The following SYN3 variants were observed in gnomAD, a reference collection of about 807,000 sequenced individuals.
SYN3 encodes the protein synapsin III.
Under a neutral mutation model 65.8 loss-of-function variants are expected in SYN3, and 35 were observed. That is an observed-to-expected ratio of 0.53 (90% CI 0.41 to 0.70). SYN3 has a LOEUF of 0.70. Ranked by LOEUF, SYN3 falls within the 30% of genes least tolerant of loss-of-function variation. The probability of loss-of-function intolerance (pLI) is 0.00; values close to 1 mark genes in which losing one functional copy is unlikely to be tolerated. For synonymous variants in SYN3, 270 were observed against 292.9 expected (o/e 0.92, Z 0.80); for missense variants, 680 against 749.0 (o/e 0.91, Z 1.08).
intron 2 of SYN3, among the ~76,000 whole-genome samples, chr22:32,996,351 A>T (rs1249015133): frequency 6.6e-6 from 1 of 152,126 alleles, no homozygotes; most frequent in East Asian, 1.9e-4. Flanking sequence ...CCCACACTGA[A>T]AAACAGCTGT....
chr22:32,715,842 A>G (rs1240359687), intron 6 of SYN3, among the ~76,000 whole-genome samples: 1 of 152,050 alleles, frequency 6.6e-6, no homozygotes, highest in African/African-American at 2.4e-5. Flanking sequence ...GTGTGCAAGG[A>G]AAGAAGTACA....
chr22:32,928,429 T>C (rs1295650966), intron 4 of SYN3, among the ~76,000 whole-genome samples: 1 of 152,242 alleles, frequency 6.6e-6, no homozygotes, highest in Non-Finnish European at 1.5e-5. Flanking sequence ...GCACTTACAT[T>C]AGCCTACAGT....
intron 6 of SYN3, among the ~76,000 whole-genome samples, chr22:32,693,161 C>G (rs960967757): frequency 9.2e-5 from 14 of 152,108 alleles, no homozygotes; most frequent in Admixed American, 3.9e-4. Flanking sequence ...AAGAGATTAA[C>G]AGCAAGAACT....
intron 3 of SYN3, among the ~76,000 whole-genome samples, chr22:32,953,625 G>A (rs186482582): frequency 1.5e-3 from 231 of 152,206 alleles, no homozygotes; most frequent in Non-Finnish European, 2.7e-3. Context: ...AAGAAAATTG[G>A]CGTGCCTGGA....
At chr22:32,967,779 C>T (rs1002632145) in intron 3 of SYN3, among the ~76,000 whole-genome samples, 8 of 152,354 alleles carry the variant, frequency 5.3e-5, no homozygotes, top group African/African-American at 9.6e-5. Flanking sequence ...TAAGCACATC[C>T]GGGCAGAGGC....
intron 6 of SYN3, among the ~76,000 whole-genome samples, chr22:32,719,420 T>C (rs566456208): frequency 2.2e-4 from 34 of 152,358 alleles, no homozygotes; most frequent in African/African-American, 7.9e-4. Flanking sequence ...GTCCATTTGT[T>C]CATTTTCCCC....
At chr22:32,783,523 G>T (rs115340508) in intron 6 of SYN3, among the ~76,000 whole-genome samples, 127 of 152,290 alleles carry the variant, frequency 8.3e-4, no homozygotes, top group African/African-American at 2.9e-3. Flanking sequence ...CCAGCCTTGA[G>T]ATTGCTAGTT....
intron 4 of SYN3, among the ~76,000 whole-genome samples, chr22:32,921,284 AC>A (rs2050328659): frequency 6.6e-6 from 1 of 152,214 alleles, no homozygotes; most frequent in Non-Finnish European, 1.5e-5. Flanking sequence ...TGTCATCCTT[AC>A]AAAAACTATG....
intron 2 of SYN3, among the ~76,000 whole-genome samples, chr22:33,004,082 T>C (rs1455953946): frequency 3.3e-5 from 5 of 152,200 alleles, no homozygotes; most frequent in Admixed American, 6.5e-5. Context: ...CTGCCTAGAT[T>C]TCAGAGGATG....
intron 1 of SYN3, among the ~76,000 whole-genome samples, chr22:33,024,197 C>A (rs936868574): frequency 6.6e-6 from 1 of 152,230 alleles, no homozygotes; most frequent in Admixed American, 6.5e-5. Context: ...CACCCACCAG[C>A]ACCCTCCAGA....
chr22:32,998,926 C>G (rs1315530644), intron 2 of SYN3, among the ~76,000 whole-genome samples: 1 of 152,062 alleles, frequency 6.6e-6, no homozygotes, highest in African/African-American at 2.4e-5. Context: ...ACTCCTCCAC[C>G]GTGTGTTCTG....
Position 32,513,799 on chromosome 22 carries a change from G to A in SYN3, c.1636C>T (p.Leu546Phe). 6.2e-7 allele frequency: 1 copy of A among 1,614,208 alleles called. No individual in the cohort carries two copies. Among genetic ancestry groups the A allele is most frequent in the Non-Finnish European group, 8.5e-7 (1 of 1,180,060 alleles). ...LNKSQSLTNS[L>F]STSDTSQRGT... ...CGCTGGGAGGTGTCGGATGTGCTGA[G>A]GCTGTTAGTCAGGGACTGAGATTTG... The change falls in exon 14 of 14, where the codon CTC becomes TTC. Residue 546 changes from leucine (L) to phenylalanine (F), a missense_variant. Physicochemically the swap from Leu to Phe is conservative, Grantham distance 22. Coordinates refer to ENST00000358763, the MANE Select transcript of SYN3 (RefSeq NM_003490.4).
intron 4 of SYN3, among the ~76,000 whole-genome samples, chr22:32,909,496 C>T (rs13054818): frequency 4.6e-5 from 7 of 152,124 alleles, no homozygotes; most frequent in Admixed American, 2.0e-4. Context: ...GAGCTGTCTG[C>T]GGAAAGACCC....
intron 6 of SYN3, among the ~76,000 whole-genome samples, chr22:32,717,475 A>T (rs912450062): frequency 6.6e-6 from 1 of 152,088 alleles, no homozygotes; most frequent in Non-Finnish European, 1.5e-5. Flanking sequence ...GCTGGAATGG[A>T]TGCTGCTTCT....
intron 1 of SYN3, among the ~76,000 whole-genome samples, chr22:33,044,528 C>T (rs1334159694): frequency 6.6e-6 from 1 of 152,042 alleles, no homozygotes; most frequent in African/African-American, 2.4e-5. Context: ...ATCCTCATCA[C>T]CTCACCCAAC....
At chr22:32,894,922 T>C (rs2049549709) in intron 4 of SYN3, among the ~76,000 whole-genome samples, 2 of 152,186 alleles carry the variant, frequency 1.3e-5, no homozygotes, top group Non-Finnish European at 2.9e-5. Context: ...TTCAGGTTTC[T>C]AGAAATGTAA....
At chr22:32,536,169 C>G (rs922216257) in intron 9 of SYN3, among the ~76,000 whole-genome samples, 2 of 152,182 alleles carry the variant, frequency 1.3e-5, no homozygotes, top group African/African-American at 4.8e-5. Flanking sequence ...CCGGAAGGGC[C>G]ATAGAGAAGA....
intron 6 of SYN3, among the ~76,000 whole-genome samples, chr22:32,778,851 A>G (rs2045968454): frequency 6.6e-6 from 1 of 152,238 alleles, no homozygotes; most frequent in Non-Finnish European, 1.5e-5. Flanking sequence ...TATCAATAAT[A>G]AAAACTGATT....
chr22:32,951,683 T>C (rs1334626676), intron 3 of SYN3, among the ~76,000 whole-genome samples: 1 of 152,170 alleles, frequency 6.6e-6, no homozygotes, highest in African/African-American at 2.4e-5. Flanking sequence ...CTGGGACCCA[T>C]ACCCAGGCCA....
Sources: gnomAD v4.1 joint callset for allele counts (sites outside exome capture counted in the v4.1 genomes callset) on GRCh38, gnomAD v4.1.1 for gene constraint, MANE v1.5 for transcripts, NCBI Gene and HGNC (gene_info 2026-07-23, HGNC 2026-07-21) for gene names.